Variants in HAUS7 observed in about 807,000 individuals in gnomAD.
The protein encoded by HAUS7 is HAUS augmin-like complex subunit 7.
A neutral mutation model predicts 28.4 loss-of-function variants in HAUS7; 3 were observed. The ratio of observed to expected loss-of-function variants is 0.11; its 90% confidence interval spans 0.05 to 0.27. The LOEUF is 0.27. Ranked by LOEUF, HAUS7 falls within the 10% of genes least tolerant of loss-of-function variation. The pLI, the probability that HAUS7 is intolerant of heterozygous loss-of-function variation, is 1.00. For synonymous variants in HAUS7, 165 were observed against 132.1 expected (o/e 1.25, Z -1.71); for missense variants, 284 against 297.3 (o/e 0.96, Z 0.33).
chrX:153,469,103 C>T, intron 2 of HAUS7, 43 bp downstream of exon 2: 1 of 774,364 alleles, frequency 1.3e-6, no homozygotes, highest in Non-Finnish European at 2.0e-6. Flanking sequence ...GGCTGGCGCC[C>T]ATGCACACCC....
intron 1 of HAUS7, among the ~76,000 whole-genome samples, chrX:153,484,764 G>A (rs2089625120): frequency 8.8e-6 from 1 of 113,146 alleles, no homozygotes; most frequent in South Asian, 3.6e-4. Context: ...GGGGCTGCCC[G>A]GCCGCTATTC....
At chrX:153,454,306 A>G in intron 9 of HAUS7, 88 bp downstream of exon 9, 1 of 553,353 alleles carries the variant, frequency 1.8e-6, no homozygotes, top group Non-Finnish European at 3.1e-6. Flanking sequence ...CCGGTCCCCA[A>G]ATGCTCCTCC....
chrX:153,453,976 T>C (rs1328159677), intron 9 of HAUS7, among the ~76,000 whole-genome samples: 3 of 110,949 alleles, frequency 2.7e-5, no homozygotes, highest in Non-Finnish European at 5.7e-5. Context: ...CACGCCACCA[T>C]GCCCAGCTAG....
At chrX:153,461,788 G>A (rs1556983422) in intron 4 of HAUS7, 1 of 268,154 alleles carries the variant, frequency 3.7e-6, no homozygotes, top group African/African-American at 2.8e-5. Context: ...GCTGCTGCTG[G>A]AAAAGGAAGA....
intron 9 of HAUS7, among the ~76,000 whole-genome samples, chrX:153,451,840 G>A (rs1260605093): frequency 1.8e-5 from 2 of 111,737 alleles, no homozygotes; most frequent in Non-Finnish European, 3.8e-5. Context: ...GACCTGAGAA[G>A]GCCCTGATCT....
upstream of HAUS7, among the ~76,000 whole-genome samples, chrX:153,474,709 G>GGGCGGGGGCGGA (rs1556985923): frequency 3.9e-5 from 3 of 75,980 alleles, no homozygotes; most frequent in African/African-American, 3.6e-4. Flanking sequence ...GGAGAGGCGG[G>GGGCGGGGGCGGA]GGCGGGGGCG....
chrX:153,473,007 C>T (rs1448552757), upstream of HAUS7, among the ~76,000 whole-genome samples: 5 of 111,935 alleles, frequency 4.5e-5, no homozygotes, highest in African/African-American at 1.6e-4. Flanking sequence ...GACTGGTTCA[C>T]GGCACTGGCC....
chrX:153,483,502 T>C (rs2089614597), intron 1 of HAUS7: 4 of 746,173 alleles, frequency 5.4e-6, no homozygotes, highest in Non-Finnish European at 6.3e-6. Context: ...AGAGCAAGGA[T>C]GGCCCAGAGC....
rs954010069 is a variant in HAUS7 at position 153,461,777 on chromosome X, C to T, written c.354+833G>A. 7.7e-5 allele frequency: 20 copies of T among 259,069 alleles called. No homozygotes were observed. The Admixed American group carries it at 1.0e-3, about 13-fold the overall frequency. 21.4% of individuals were successfully genotyped at this position (259,069 alleles called of 1,213,427 possible). A position where few individuals can be genotyped will look rare whatever the true frequency, so the allele number is the denominator to read the frequency against. On this transcript the variant is annotated intron_variant, in intron 4 of 9. Transcript: ENST00000370211. ...ACGAGGAGAAACTGGAGCTCTCCCGCGCTGCTGCTGGAAAAGGAAGATGGT... is the reference window on the plus strand; with the variant it reads ...ACGAGGAGAAACTGGAGCTCTCCCGTGCTGCTGCTGGAAAAGGAAGATGGT...
intron 1 of HAUS7, among the ~76,000 whole-genome samples, chrX:153,493,689 C>G (rs190878702): frequency 0.018 from 2,035 of 111,401 alleles, 44 homozygotes; most frequent in African/African-American, 0.064. Context: ...GCCATGCGTC[C>G]CAGGTCCTAG....
intron 2 of HAUS7, among the ~76,000 whole-genome samples, chrX:153,466,220 T>C (rs1556984269): frequency 2.7e-5 from 3 of 111,808 alleles, no homozygotes; most frequent in African/African-American, 9.8e-5. Context: ...GCCAGCGGGG[T>C]TGCCGAGAAC....
chrX:153,474,530 G>A (rs1288773874), upstream of HAUS7, among the ~76,000 whole-genome samples: 1 of 111,980 alleles, frequency 8.9e-6, no homozygotes, highest in African/African-American at 3.2e-5. Flanking sequence ...GCCAGAGGCA[G>A]TTGTAGGGGG....
chrX:153,463,867 G>T (rs1290065868), intron 3 of HAUS7, among the ~76,000 whole-genome samples: 1 of 112,669 alleles, frequency 8.9e-6, no homozygotes, highest in Non-Finnish European at 1.9e-5. Context: ...AGCCCTGCAG[G>T]ACCCTCAGCC....
chrX:153,456,986 C>A (rs953065846), intron 5 of HAUS7, 151 bp downstream of exon 5: 1 of 473,822 alleles, frequency 2.1e-6, no homozygotes, highest in African/African-American at 2.4e-5. Context: ...GTATGCTGCC[C>A]GGCCCCTGAT....
At chrX:153,449,385 C>T (rs936316609) in intron 9 of HAUS7, among the ~76,000 whole-genome samples, 2 of 112,520 alleles carry the variant, frequency 1.8e-5, no homozygotes, top group African/African-American at 6.5e-5. Flanking sequence ...CCTCTCCACT[C>T]GCCATCAGCT....
At chrX:153,472,038 T>C (rs192484454), upstream of HAUS7, among the ~76,000 whole-genome samples, 1 of 111,855 alleles carries the variant, frequency 8.9e-6, no homozygotes, top group Non-Finnish European at 1.9e-5. Flanking sequence ...GACATTCAAA[T>C]TCTTGTGGGT....
At chrX:153,487,288 G>C (rs147938328) in intron 1 of HAUS7, among the ~76,000 whole-genome samples, 1,723 of 111,826 alleles carry the variant, frequency 0.015, 34 homozygotes, top group African/African-American at 0.054. Context: ...CACCTGATCC[G>C]TCTCATCCCT....
At chrX:153,470,340 G>T in intron 1 of HAUS7, 110 bp downstream of exon 1, 1 of 776,807 alleles carries the variant, frequency 1.3e-6, no homozygotes, top group South Asian at 2.4e-5. Flanking sequence ...AGCCGGAACC[G>T]GCGACGGTGG....
chrX:153,483,617 G>T (rs2089615902), intron 1 of HAUS7, among the ~76,000 whole-genome samples: 1 of 111,868 alleles, frequency 8.9e-6, no homozygotes, highest in South Asian at 3.9e-4. Flanking sequence ...TGTTCCTTGG[G>T]CCTGGTCTTC....
Sources: allele counts gnomAD v4.1 joint callset (sites outside exome capture counted in the v4.1 genomes callset), GRCh38; gene constraint gnomAD v4.1.1; transcripts MANE v1.5; gene names NCBI Gene and HGNC (gene_info 2026-07-23, HGNC 2026-07-21).